The following MYO5B variants were observed in gnomAD, a reference collection of about 807,000 sequenced individuals.
MYO5B encodes unconventional myosin-Vb.
MYO5B carries 143 observed loss-of-function variants against 229.3 expected under a neutral mutation model. That is an observed-to-expected ratio of 0.62 (90% CI 0.54 to 0.72). The LOEUF (loss-of-function observed/expected upper bound fraction) is 0.72, where lower values mean the gene tolerates loss of function less well. Ranked by LOEUF, MYO5B falls within the 30% of genes least tolerant of loss-of-function variation. The probability of loss-of-function intolerance (pLI) is 0.00; values close to 1 mark genes in which losing one functional copy is unlikely to be tolerated. For synonymous variants in MYO5B, 918 were observed against 885.2 expected, an observed-to-expected ratio of 1.04 and a Z score of -0.66; for missense variants, 2,321 against 2,331.0, an observed-to-expected ratio of 1.00 and a Z score of 0.09.
At position 49,906,502 on chromosome 18, in the gene MYO5B, TC is replaced by T. The variant is rs1568025953; in HGVS notation, c.2330del (p.Gly777AspfsTer6). On this transcript the variant is annotated frameshift_variant, in exon 19 of 40. Coordinates refer to ENST00000285039, the MANE Select transcript of MYO5B (RefSeq NM_001080467.3). LOFTEE classifies it high-confidence loss of function. Reference sequence around the variant, plus strand: ...TGTGATATTTCACCTTCTGCAGCCATCCCCGGACAGTTTTCTGGATCATGAT... The same window carrying T: ...TGTGATATTTCACCTTCTGCAGCCATCCCGGACAGTTTTCTGGATCATGAT... ...ATIMIQKTVR[G>X]WLQKVKYHRL... The T allele has an allele frequency of 6.2e-7, 1 of 1,613,984 alleles. No individual in the cohort carries two copies. Among genetic ancestry groups the T allele is most frequent in the Admixed American group, 1.7e-5 (1 of 59,996 alleles).
At chr18:49,979,512 C>T (rs1370652765) in intron 9 of MYO5B, among the ~76,000 whole-genome samples, 4 of 152,224 alleles carry the variant, frequency 2.6e-5, no homozygotes, top group African/African-American at 9.7e-5. Context: ...CCAGTTTGAA[C>T]TTCTCATAAC....
chr18:50,093,647 C>A (rs2031493759), intron 1 of MYO5B, among the ~76,000 whole-genome samples: 1 of 152,030 alleles, frequency 6.6e-6, no homozygotes, highest in African/African-American at 2.4e-5. Context: ...AAAGACCTTG[C>A]TGATAAAGCA....
chr18:50,023,131 T>A (rs1402937859), intron 4 of MYO5B, among the ~76,000 whole-genome samples: 2 of 28,620 alleles, frequency 7.0e-5, no homozygotes, highest in Non-Finnish European at 1.1e-4. Context: ...TCCTACAATG[T>A]CTTACAAAAA....
At chr18:50,058,748 T>G (rs1297949178) in intron 1 of MYO5B, among the ~76,000 whole-genome samples, 3 of 151,794 alleles carry the variant, frequency 2.0e-5, no homozygotes, top group Non-Finnish European at 4.4e-5. Flanking sequence ...GAGGCGGAGG[T>G]TGCAGTGAGC....
intron 1 of MYO5B, among the ~76,000 whole-genome samples, chr18:50,147,946 T>C (rs2032531896): frequency 6.8e-6 from 1 of 147,508 alleles, no homozygotes; most frequent in South Asian, 2.3e-4. Context: ...GCAAGACTAA[T>C]AAAGAAAAAA....
At chr18:49,918,757 T>C (rs1462006700) in intron 17 of MYO5B, among the ~76,000 whole-genome samples, 1 of 152,224 alleles carries the variant, frequency 6.6e-6, no homozygotes, top group African/African-American at 2.4e-5. Flanking sequence ...TATTGAGACA[T>C]GGATCATCTT....
chr18:49,985,536 G>C (rs949166926), intron 7 of MYO5B, among the ~76,000 whole-genome samples: 3 of 152,208 alleles, frequency 2.0e-5, no homozygotes, highest in Non-Finnish European at 4.4e-5. Context: ...TTAGTGCTTA[G>C]GAGGAAGCAG....
intron 1 of MYO5B, among the ~76,000 whole-genome samples, chr18:50,087,934 CA>C (rs755573493): frequency 8.5e-5 from 13 of 152,168 alleles, no homozygotes; most frequent in Non-Finnish European, 1.8e-4. Flanking sequence ...GCCACAAGAG[CA>C]GCAGGGGTTG....
At chr18:50,102,930 T>C (rs77245489) in intron 1 of MYO5B, among the ~76,000 whole-genome samples, 1 of 152,106 alleles carries the variant, frequency 6.6e-6, no homozygotes, top group Non-Finnish European at 1.5e-5. Flanking sequence ...CTTTTTTTTT[T>C]CTTCCCCAGG....
intron 1 of MYO5B, among the ~76,000 whole-genome samples, chr18:50,087,116 T>C (rs1359589933): frequency 4.6e-5 from 7 of 152,208 alleles, no homozygotes; most frequent in Non-Finnish European, 8.8e-5. Flanking sequence ...GCCATGGACA[T>C]GTCCTATTTC....
chr18:49,852,535 C>T (rs1416766469), intron 31 of MYO5B, among the ~76,000 whole-genome samples: 1 of 152,162 alleles, frequency 6.6e-6, no homozygotes, highest in Non-Finnish European at 1.5e-5. Flanking sequence ...CACCCAACCA[C>T]AGATGATCTG....
Position 49,860,914 on chromosome 18 carries a change from G to C in MYO5B, c.3944+2313C>G, listed in dbSNP as rs111918224. ...TGCCAGGGTGGCCCTCATGGTAATG[G>C]GAATCCCCTTGTCATGGGCTCCACA... On this transcript the variant is annotated intron_variant, in intron 29 of 39. Coordinates refer to ENST00000285039, the MANE Select transcript of MYO5B (RefSeq NM_001080467.3). Among the ~76,000 whole-genome samples the C allele has an allele frequency of 3.2e-3, 484 of 152,314 alleles. 1 individual carries two copies. The highest frequency in any genetic ancestry group is 0.011 in the African/African-American group (455 of 41,576).
In MYO5B at chr18:50,170,585, C is replaced by G. The variant is rs1175668240; in HGVS notation, c.27+24182G>C. On this transcript the variant is annotated intron_variant, in intron 1 of 39. Coordinates refer to ENST00000285039, the MANE Select transcript of MYO5B (RefSeq NM_001080467.3). ...CATTTTACCACTATTTTGCTTTCTTCTCACTCCGAACAGTACTGTGGGGTG... is the reference window on the plus strand; with the variant it reads ...CATTTTACCACTATTTTGCTTTCTTGTCACTCCGAACAGTACTGTGGGGTG... Among the ~76,000 whole-genome samples, 3 of 126,870 alleles carry G rather than the reference C, an allele frequency of 2.4e-5. 1 individual carries two copies. The highest frequency in any genetic ancestry group is 5.0e-5 in the Non-Finnish European group (3 of 59,678). 83.2% of individuals were successfully genotyped at this position (126,870 alleles called of 152,430 possible). A position where few individuals can be genotyped will look rare whatever the true frequency, so the allele number is the denominator to read the frequency against.
chr18:50,148,789 T>C (rs1006422836), intron 1 of MYO5B, among the ~76,000 whole-genome samples: 1 of 152,048 alleles, frequency 6.6e-6, no homozygotes, highest in Non-Finnish European at 1.5e-5. Flanking sequence ...AGGGATGCCC[T>C]CTCTCACCAC....
intron 12 of MYO5B, among the ~76,000 whole-genome samples, chr18:49,961,757 G>T (rs2025562011): frequency 6.6e-6 from 1 of 152,152 alleles, no homozygotes; most frequent in Non-Finnish European, 1.5e-5. Flanking sequence ...TCCCAATGCT[G>T]CCAGGCACTC....
chr18:49,987,978 T>C (rs867872844), intron 7 of MYO5B, among the ~76,000 whole-genome samples: 1 of 152,130 alleles, frequency 6.6e-6, no homozygotes. Flanking sequence ...AAATTATTCA[T>C]TGGACTTTAA....
At chr18:50,084,125 G>C (rs2031278208) in intron 1 of MYO5B, among the ~76,000 whole-genome samples, 1 of 152,132 alleles carries the variant, frequency 6.6e-6, no homozygotes, top group Non-Finnish European at 1.5e-5. Flanking sequence ...CTAACATTTA[G>C]CAGCACATGT....
intron 24 of MYO5B, among the ~76,000 whole-genome samples, chr18:49,878,587 C>T (rs532238582): frequency 3.3e-5 from 5 of 152,174 alleles, no homozygotes; most frequent in African/African-American, 4.8e-5. Flanking sequence ...CAATCAGGCC[C>T]TTGTGGGTCT....
At chr18:50,169,609 G>T (rs1229794452) in intron 1 of MYO5B, among the ~76,000 whole-genome samples, 1 of 127,504 alleles carries the variant, frequency 7.8e-6, no homozygotes, top group East Asian at 2.3e-4. Context: ...CTGAGGAAAC[G>T]TTCCAGATTG....
Sources: gnomAD v4.1 joint callset for allele counts (sites outside exome capture counted in the v4.1 genomes callset) on GRCh38, gnomAD v4.1.1 for gene constraint, MANE v1.5 for transcripts, NCBI Gene and HGNC (gene_info 2026-07-23, HGNC 2026-07-21) for gene names.